ENTPD8: variants seen among roughly 807,000 people sequenced by gnomAD.
ENTPD8 encodes E-NTPDase 8.
ENTPD8 carries 35 observed loss-of-function variants against 47.0 expected under a neutral mutation model. That is an observed-to-expected ratio of 0.75 (90% CI 0.57 to 0.99). The LOEUF is 0.99. ENTPD8 is among the 50% of genes least tolerant of loss of function. The pLI is 0.00. For synonymous variants in ENTPD8, 308 were observed against 290.5 expected (o/e 1.06, Z -0.61); for missense variants, 668 against 649.9 (o/e 1.03, Z -0.30).
chr9:137,438,168 CTG>C lies in ENTPD8; in HGVS notation c.116_117del (p.Thr39ArgfsTer9). 6.2e-7 allele frequency: 1 copy of C among 1,609,974 alleles called. No individual in the cohort carries two copies. Among genetic ancestry groups the C allele is most frequent in the Non-Finnish European group, 8.5e-7 (1 of 1,178,336 alleles). The part of the protein sequence containing the change: ...LVEATSVLLP[T>X]DIKFGIVFDA... ...TGCCGGCGGGGACGCACCTTGATGTCTGTGGGCAGGAGCACGCTGGTGGCCTC... is the reference window on the plus strand; with the variant it reads ...TGCCGGCGGGGACGCACCTTGATGTCTGGGCAGGAGCACGCTGGTGGCCTC... On this transcript the variant is annotated frameshift_variant, in exon 2 of 10. Transcript: ENST00000371506. LOFTEE classifies it high-confidence loss of function. This position sits in a 1 kb window ranked among gnomAD's most constrained non-coding sequence, Gnocchi z 5.7.
rs1484333832 is a variant in ENTPD8, at chr9:137,434,560, C to CCCATCAGGAGGT, written c.*353_*354insACCTCCTGATGG. 1 of 637,526 alleles carries CCCATCAGGAGGT rather than the reference C, an allele frequency of 1.6e-6. No homozygotes were observed. The highest frequency in any genetic ancestry group is 2.6e-6 in the Non-Finnish European group (1 of 380,988). 39.5% of individuals were successfully genotyped at this position (637,526 alleles called of 1,614,324 possible). A position where few individuals can be genotyped will look rare whatever the true frequency, so the allele number is the denominator to read the frequency against. ...CACCCCTCTCCGCCCCTCCTGAGGCCCCATCAGGAGCAGGACCCCTGTGCC... is the reference window on the plus strand; with the variant it reads ...CACCCCTCTCCGCCCCTCCTGAGGCCCCATCAGGAGGTCCATCAGGAGCAGGACCCCTGTGCC... On this transcript the variant is annotated 3_prime_UTR_variant, in exon 10 of 10. Coordinates refer to ENST00000371506, the MANE Select transcript of ENTPD8 (RefSeq NM_001033113.2).
In ENTPD8 at chr9:137,438,475, G is replaced by A. The variant is rs970897921; in HGVS notation, c.-20-170C>T. 6.7e-5 allele frequency among the ~76,000 whole-genome samples: 10 copies of A among 150,056 alleles called. No individual in the cohort carries two copies. The highest frequency in any genetic ancestry group is 2.5e-4 in the African/African-American group (10 of 40,570). On this transcript the variant is annotated intron_variant, in intron 1 of 9. Transcript: ENST00000371506. The surrounding 1 kb of genome is among the most constrained non-coding windows in gnomAD (Gnocchi z 5.7). ...CTCCCGTGGCCATAGAGGCATCCCC[G>A]GGGCTCAGACGGTCTCCCGTGGCCT...
At chr9:137,437,431 G>A in intron 3 of ENTPD8, 122 bp from the exon 4 acceptor site, 2 of 1,265,126 alleles carry the variant, frequency 1.6e-6, no homozygotes, top group Non-Finnish European at 2.2e-6. Flanking sequence ...GCTGCGTGGA[G>A]TGCTCAGGCT....
In ENTPD8 at chr9:137,436,231, A is replaced by G; in HGVS notation, c.832T>C (p.Tyr278His). 6.2e-7 allele frequency: 1 copy of G among 1,609,060 alleles called. No homozygotes were observed. The highest frequency in any genetic ancestry group is 1.3e-5 in the African/African-American group (1 of 74,928). Residue 278 changes from tyrosine (Y) to histidine (H), a missense_variant, in exon 7 of 10, where the codon TAC becomes CAC. Coordinates refer to ENST00000371506, the MANE Select transcript of ENTPD8 (RefSeq NM_001033113.2). ...GGGCCCAGGGCCAGTGTGGTCTGGT[A>G]GCCGCTGAGGTAGCACGGGTGACGG... ...LLRHPCYLSGYQTTLALGPLY... is the reference protein window; with the variant it reads ...LLRHPCYLSGHQTTLALGPLY...
chr9:137,438,084 A>G lies in ENTPD8; in HGVS notation c.127T>C (p.Phe43Leu). 1 of 1,612,712 alleles carries G rather than the reference A, an allele frequency of 6.2e-7. No individual in the cohort carries two copies. The highest frequency in any genetic ancestry group is 8.5e-7 in the Non-Finnish European group (1 of 1,179,750). ...GAGCCCGCATCAAACACGATCCCAA[A>G]CTGGGGAGACAGTGGGATGAGTGGG... ...TSVLLPTDIK[F>L]GIVFDAGSSH... The change falls in exon 3 of 10, where the codon TTT becomes CTT. Residue 43 changes from phenylalanine (F) to leucine (L), a missense_variant and splice_region_variant. Transcript: ENST00000371506. This position sits in a 1 kb window ranked among gnomAD's most constrained non-coding sequence, Gnocchi z 5.7.
At position 137,434,958 on chromosome 9, in the gene ENTPD8, C is replaced by A. The variant is rs1839296568; in HGVS notation, c.1444G>T (p.Val482Leu). 1 of 1,612,732 alleles carries A rather than the reference C, an allele frequency of 6.2e-7. No individual in the cohort carries two copies. Among genetic ancestry groups the A allele is most frequent in the South Asian group, 1.1e-5 (1 of 91,062 alleles). ...VVFMVLALVA[V>L]VGAALVQLFW... The stretch of plus-strand genomic sequence containing the variant: ...AGCTGGACCAAGGCAGCCCCCACCA[C>A]CGCCACCAGGGCCAGCACCATGAAC... The change falls in exon 10 of 10, where the codon GTG becomes TTG. Residue 482 changes from valine (V) to leucine (L), a missense_variant. By Grantham distance (32) the Val-to-Leu change is conservative. Transcript: ENST00000371506.
At chr9:137,436,300 G>A (rs1037780010) in intron 6 of ENTPD8, 24 bp from the exon 7 acceptor site, 8 of 1,539,638 alleles carry the variant, frequency 5.2e-6, no homozygotes, top group Non-Finnish European at 7.0e-6. Context: ...GGAGGCCTGA[G>A]CACCAGCCGC....
intron 3 of ENTPD8, 124 bp from the exon 4 acceptor site, chr9:137,437,433 G>T: frequency 8.0e-7 from 1 of 1,248,192 alleles, no homozygotes; most frequent in Non-Finnish European, 1.1e-6. Context: ...TGCGTGGAGT[G>T]CTCAGGCTGA....
rs1227622990 is a variant in ENTPD8 at position 137,438,191 on chromosome 9, G to A, written c.95C>T (p.Ala32Val). The A allele has an allele frequency of 3.7e-6, 6 of 1,608,342 alleles. No individual in the cohort carries two copies. The highest frequency in any genetic ancestry group is 5.1e-6 in the Non-Finnish European group (6 of 1,177,886). Residue 32 changes from alanine to valine, a missense_variant, in exon 2 of 10, where the codon GCC (alanine) becomes GTC (valine). Ala to Val is a moderately conservative substitution (Grantham distance 64). Coordinates refer to ENST00000371506, the MANE Select transcript of ENTPD8 (RefSeq NM_001033113.2). The surrounding 1 kb of genome is among the most constrained non-coding windows in gnomAD (Gnocchi z 5.7). ...LTALILLLVE[A>V]TSVLLPTDIK... The stretch of plus-strand genomic sequence containing the variant: ...GTCTGTGGGCAGGAGCACGCTGGTG[G>A]CCTCCACCAGGAGGAGAATGAGTGC...
intron 3 of ENTPD8, 63 bp downstream of exon 3, chr9:137,437,904 G>A (rs909099240): frequency 7.0e-7 from 1 of 1,420,176 alleles, no homozygotes; most frequent in African/African-American, 1.4e-5. Context: ...CCGTGCAGCT[G>A]GGAATCCCAG....
intron 4 of ENTPD8, 54 bp downstream of exon 4, chr9:137,437,105 G>A: frequency 6.2e-7 from 1 of 1,603,728 alleles, no homozygotes; most frequent in Non-Finnish European, 8.5e-7. Flanking sequence ...CGCTGGCTGA[G>A]ACCATGGCTT....
chr9:137,436,392 G>A (rs1159386534), intron 6 of ENTPD8, 116 bp from the exon 7 acceptor site: 6 of 1,382,102 alleles, frequency 4.3e-6, no homozygotes, highest in Non-Finnish European at 4.8e-6. Context: ...CCTCCCCGGT[G>A]CCGGATGACC....
At position 137,436,195 on chromosome 9, in the gene ENTPD8, A is replaced by G; in HGVS notation, c.868T>C (p.Ser290Pro). The change falls in exon 7 of 10, where the codon TCA becomes CCA. Residue 290 changes from serine (S) to proline (P), a missense_variant. Transcript: ENST00000371506. ...GGGGGCGTGGCGTGGACACAGGGTG[A>G]CTCATACAGCGGGCCCAGGGCCAGT... ...TTLALGPLYE[S>P]PCVHATPPLS... 1.2e-6 allele frequency: 2 copies of G among 1,612,572 alleles called. No homozygotes were observed. The highest frequency in any genetic ancestry group is 3.3e-4 in the Middle Eastern group (2 of 6,062).
chr9:137,437,668 G>C (rs1839408371), intron 3 of ENTPD8, among the ~76,000 whole-genome samples: 1 of 152,202 alleles, frequency 6.6e-6, no homozygotes, highest in Non-Finnish European at 1.5e-5. Flanking sequence ...AGCCTCGGCT[G>C]CCAGCACCAC....
chr9:137,437,436 C>A, intron 3 of ENTPD8, 127 bp from the exon 4 acceptor site: 1 of 1,211,424 alleles, frequency 8.3e-7, no homozygotes, highest in Non-Finnish European at 1.1e-6. Flanking sequence ...GTGGAGTGCT[C>A]AGGCTGAAGG....
rs1839309987 is a variant in ENTPD8 at position 137,435,266 on chromosome 9, G to A, written c.1234C>T (p.Leu412Phe). The A allele has an allele frequency of 1.2e-6, 2 of 1,612,464 alleles. No homozygotes were observed. The highest frequency in any genetic ancestry group is 1.1e-5 in the South Asian group (1 of 91,088). ...CTGAACCCGTAGCCCTCGTGCAGGAGGGTGAGGATGTACAGGCCTGAGGCA... is the reference window on the plus strand; with the variant it reads ...CTGAACCCGTAGCCCTCGTGCAGGAAGGTGAGGATGTACAGGCCTGAGGCA... The part of the protein sequence containing the change: ...YCASGLYILT[L>F]LHEGYGFSEE... Residue 412 changes from leucine to phenylalanine, a missense_variant, in exon 9 of 10, where the codon CTC (leucine) becomes TTC (phenylalanine). Leu to Phe is a conservative substitution (Grantham distance 22). Coordinates refer to ENST00000371506, the MANE Select transcript of ENTPD8 (RefSeq NM_001033113.2).
At position 137,438,073 on chromosome 9, in the gene ENTPD8, C is replaced by A; in HGVS notation, c.138G>T (p.Val46=). ...LLPTDIKFGI[V]FDAGSSHTSL... The stretch of plus-strand genomic sequence containing the variant: ...ACGTGTGGGAGGAGCCCGCATCAAA[C>A]ACGATCCCAAACTGGGGAGACAGTG... The change falls in exon 3 of 10, where the codon GTG becomes GTT. Residue 46 remains valine, a synonymous_variant. Coordinates refer to ENST00000371506, the MANE Select transcript of ENTPD8 (RefSeq NM_001033113.2). This position sits in a 1 kb window ranked among gnomAD's most constrained non-coding sequence, Gnocchi z 5.7. 6.2e-7 allele frequency: 1 copy of A among 1,612,900 alleles called. No homozygotes were observed.
At position 137,438,674 on chromosome 9, in the gene ENTPD8, C is replaced by G. The variant is rs1042225780; in HGVS notation, c.-20-369G>C. 6.6e-6 allele frequency among the ~76,000 whole-genome samples: 1 copy of G among 152,056 alleles called. No homozygotes were observed. The stretch of plus-strand genomic sequence containing the variant: ...CGTGGCCATAGAGGCATCCCCGGGG[C>G]TCAGACGCCTCCCGTGGCCAAGGAC... On this transcript the variant is annotated intron_variant, in intron 1 of 9. Transcript: ENST00000371506. The surrounding 1 kb of genome is among the most constrained non-coding windows in gnomAD (Gnocchi z 5.7).
chr9:137,437,997 C>A lies in ENTPD8; in HGVS notation c.214G>T (p.Val72Phe). Reference protein sequence around the residue: ...LANKENGTGVVSQALACQVEG... With the variant: ...LANKENGTGVFSQALACQVEG... ...ACCTGGCAGGCCAGGGCCTGGCTGA[C>A]CACACCCGTGCCATTCTCCTTGTTC... Residue 72 changes from valine (V) to phenylalanine (F), a missense_variant, in exon 3 of 10, where the codon GTC becomes TTC. By Grantham distance (50) the Val-to-Phe change is conservative (BLOSUM62 -1). Transcript: ENST00000371506. 1 of 1,612,788 alleles carries A rather than the reference C, an allele frequency of 6.2e-7. No individual in the cohort carries two copies. Among genetic ancestry groups the A allele is most frequent in the Non-Finnish European group, 8.5e-7 (1 of 1,179,866 alleles).
Sources: allele counts gnomAD v4.1 joint callset (sites outside exome capture counted in the v4.1 genomes callset), GRCh38; gene constraint gnomAD v4.1.1; non-coding constraint Gnocchi (gnomAD v3.1); transcripts MANE v1.5; gene names NCBI Gene and HGNC (gene_info 2026-07-23, HGNC 2026-07-21).